LAMA5: variants seen among roughly 807,000 people sequenced by gnomAD.
The protein encoded by LAMA5 is laminin subunit alpha-5.
Under a neutral mutation model 433.4 loss-of-function variants are expected in LAMA5, and 260 were observed. That is an observed-to-expected ratio of 0.60 (90% CI 0.54 to 0.66). LAMA5 has a LOEUF of 0.66. LAMA5 is among the 30% of genes least tolerant of loss of function. The pLI is 0.00. For missense variants in LAMA5, 5,378 were observed against 5,258.5 expected (o/e 1.02, Z -0.70); for synonymous variants, 2,620 against 2,226.6 (o/e 1.18, Z -4.97).
At chr20:62,313,845 G>A in intron 62 of LAMA5, 43 bp from the exon 63 acceptor site, 2 of 1,586,210 alleles carry the variant, frequency 1.3e-6, no homozygotes, top group South Asian at 2.2e-5. Context: ...ACGGAGAGAT[G>A]AGGGGTGGCG....
chr20:62,320,962 G>A (rs1198633838), intron 48 of LAMA5, 72 bp from the exon 49 acceptor site: 11 of 1,506,066 alleles, frequency 7.3e-6, no homozygotes, highest in East Asian at 4.6e-5. Flanking sequence ...CTGGGGCCCT[G>A]GGGTCATTAG....
intron 30 of LAMA5, 37 bp downstream of exon 30, chr20:62,330,706 C>T (rs1216420822): frequency 2.6e-6 from 4 of 1,555,580 alleles, no homozygotes; most frequent in Non-Finnish European, 3.5e-6. Context: ...GAGTCCTGCC[C>T]TGACACCCCC....
intron 11 of LAMA5, among the ~76,000 whole-genome samples, chr20:62,340,028 A>G (rs1982334382): frequency 6.6e-6 from 1 of 151,970 alleles, no homozygotes; most frequent in South Asian, 2.1e-4. Context: ...ACGCAAACAC[A>G]GAGGAGTGAG....
intron 61 of LAMA5, 54 bp from the exon 62 acceptor site, chr20:62,314,494 G>A: frequency 2.5e-6 from 4 of 1,609,910 alleles, no homozygotes; most frequent in South Asian, 1.1e-5. Context: ...CAGGGACCAG[G>A]CACCGCTCAT....
At position 62,347,503 on chromosome 20, in the gene LAMA5, AC is replaced by A. The variant is rs1983575986; in HGVS notation, c.957-476del. Among the ~76,000 whole-genome samples the A allele has an allele frequency of 2.0e-5, 3 of 151,914 alleles. No individual in the cohort carries two copies. In the East Asian group the frequency reaches 5.8e-4, roughly 29 times the overall value. On this transcript the variant is annotated intron_variant, in intron 6 of 79. Coordinates refer to ENST00000252999, the MANE Select transcript of LAMA5 (RefSeq NM_005560.6). Reference sequence around the variant, plus strand: ...CCAGAAGGGAAAGGGGTCCATTTGCACCCCCCAAGGCTCAGATTTCGCTTAG... The same window carrying A: ...CCAGAAGGGAAAGGGGTCCATTTGCACCCCCAAGGCTCAGATTTCGCTTAG...
chr20:62,330,690 G>C lies in LAMA5; in HGVS notation c.3852+53C>G, dbSNP rs878868233. ...CCCTGGACAACCTGCCCTGGGTTGG[G>C]ACCCGGAGTCCTGCCCTGACACCCC... On this transcript the variant is annotated intron_variant, in intron 30 of 79. Coordinates refer to ENST00000252999, the MANE Select transcript of LAMA5 (RefSeq NM_005560.6). The C allele has an allele frequency of 2.6e-6, 4 of 1,557,582 alleles. No individual in the cohort carries two copies. In the South Asian group the frequency reaches 4.7e-5, roughly 18 times the overall value.
rs756615964 is a variant in LAMA5, at chr20:62,312,263, C to T, written c.9414G>A (p.Ser3138=). 14 of 1,610,960 alleles carry T rather than the reference C, an allele frequency of 8.7e-6. No individual in the cohort carries two copies. The Admixed American group carries it at 1.0e-4, about 12-fold the overall frequency. ...HGHGFLRLAL[S]NVAPLTGNVY... ...CGTTGCCAGTGAGCGGTGCCACGTT[C>T]GAGAGCGCCAGGCGAAGGAAGCCGT... The change falls in exon 69 of 80, where the codon TCG becomes TCA. Residue 3138 remains serine (S), a synonymous_variant. Transcript: ENST00000252999.
intron 3 of LAMA5, 68 bp from the exon 4 acceptor site, chr20:62,352,428 G>C: frequency 1.7e-6 from 2 of 1,174,592 alleles, no homozygotes; most frequent in Non-Finnish European, 2.5e-6. Flanking sequence ...CGGTGCCCGG[G>C]CCCCTTGACG....
chr20:62,329,958 C>A (rs200011971), intron 31 of LAMA5, 42 bp from the exon 32 acceptor site: 41 of 1,597,312 alleles, frequency 2.6e-5, no homozygotes, highest in East Asian at 1.3e-4. Flanking sequence ...CCATCTCTAG[C>A]GCCCCCAAGA....
chr20:62,351,653 GAGCTGGGGGGGGCCTC>G, intron 6 of LAMA5, 35 bp downstream of exon 6: 3 of 1,562,806 alleles, frequency 1.9e-6, no homozygotes, highest in Non-Finnish European at 1.7e-6. Context: ...GACAGGCAGG[GAGCTGGGGGGGGCCTC>G]ACCTGAACGG....
At chr20:62,319,650 TCTGAGCC>T in intron 51 of LAMA5, 27 bp downstream of exon 51, 3 of 1,477,214 alleles carry the variant, frequency 2.0e-6, no homozygotes, top group Non-Finnish European at 2.7e-6. Flanking sequence ...CCCTCCTGGC[TCTGAGCC>T]CTGAGCCTGG....
In LAMA5 at chr20:62,318,734, C is replaced by T. The variant is rs1987327210; in HGVS notation, c.7043-84G>A. On this transcript the variant is annotated intron_variant, in intron 52 of 79. Coordinates refer to ENST00000252999, the MANE Select transcript of LAMA5 (RefSeq NM_005560.6). Reference sequence around the variant, plus strand: ...GGTCTCCACTTGGTGCCCGCCAGATCCATCTGCCCCGTGATGCCCACCTGA... The same window carrying T: ...GGTCTCCACTTGGTGCCCGCCAGATTCATCTGCCCCGTGATGCCCACCTGA... 22 of 1,569,902 alleles carry T rather than the reference C, an allele frequency of 1.4e-5. No individual in the cohort carries two copies. The South Asian group carries it at 2.5e-4, about 18-fold the overall frequency.
At chr20:62,344,300 T>A (rs1028376117) in intron 11 of LAMA5, among the ~76,000 whole-genome samples, 1 of 151,770 alleles carries the variant, frequency 6.6e-6, no homozygotes, top group South Asian at 2.1e-4. Flanking sequence ...CGCATCCCAA[T>A]TCCAGAAACA....
At chr20:62,340,177 T>C (rs544966252) in intron 11 of LAMA5, among the ~76,000 whole-genome samples, 1 of 152,066 alleles carries the variant, frequency 6.6e-6, no homozygotes, top group East Asian at 1.9e-4. Context: ...AAGGAGAATT[T>C]GGCAAACCAG....
In LAMA5 at chr20:62,312,635, G is replaced by T; in HGVS notation, c.9224C>A (p.Pro3075Gln). 1 of 1,604,790 alleles carries T rather than the reference G, an allele frequency of 6.2e-7. No individual in the cohort carries two copies. Among genetic ancestry groups the T allele is most frequent in the East Asian group, 2.3e-5 (1 of 44,382 alleles). Residue 3075 changes from proline (P) to glutamine (Q), a missense_variant, in exon 67 of 80, where the codon CCG (proline) becomes CAG (glutamine). Coordinates refer to ENST00000252999, the MANE Select transcript of LAMA5 (RefSeq NM_005560.6). ...CCCAGCTGCGCACAGTGCTTACCTCGGGGGCAGCTGGTCGGGCGGCACGCC... is the reference window on the plus strand; with the variant it reads ...CCCAGCTGCGCACAGTGCTTACCTCTGGGGCAGCTGGTCGGGCGGCACGCC... ...LGGVPPDQLP[P>Q]SLRRLFPTGG...
In LAMA5 at chr20:62,322,408, C is replaced by A. The variant is rs374550353; in HGVS notation, c.6207G>T (p.Pro2069=). 1.9e-6 allele frequency: 3 copies of A among 1,592,890 alleles called. No individual in the cohort carries two copies. The highest frequency in any genetic ancestry group is 2.7e-5 in the African/African-American group (2 of 74,514). The part of the protein sequence containing the change: ...FGFDGCGGCR[P]CACGPAAEGS... Reference sequence around the variant, plus strand: ...CCTCGGCGGCCGGTCCACAAGCACACGGGCGGCAGCCCCCGCAGCCATCGA... The same window carrying A: ...CCTCGGCGGCCGGTCCACAAGCACAAGGGCGGCAGCCCCCGCAGCCATCGA... The change falls in exon 47 of 80, where the codon CCG becomes CCT. Residue 2069 remains proline (P), a synonymous_variant. Coordinates refer to ENST00000252999, the MANE Select transcript of LAMA5 (RefSeq NM_005560.6).
chr20:62,337,564 G>C, intron 16 of LAMA5, 26 bp downstream of exon 16: 1 of 1,578,936 alleles, frequency 6.3e-7, no homozygotes, highest in Non-Finnish European at 8.6e-7. Context: ...CCGGCACCTG[G>C]TGCACACAGC....
intron 28 of LAMA5, among the ~76,000 whole-genome samples, 164 bp from the exon 29 acceptor site, chr20:62,331,293 G>A (rs1262529466): frequency 3.1e-5 from 2 of 65,568 alleles, no homozygotes; most frequent in Non-Finnish European, 2.9e-5. Flanking sequence ...ACGATGGGGG[G>A]GTGTAGGCGG....
chr20:62,353,159 G>A lies in LAMA5; in HGVS notation c.543C>T (p.Thr181=). 1 of 1,577,658 alleles carries A rather than the reference G, an allele frequency of 6.3e-7. No individual in the cohort carries two copies. The highest frequency in any genetic ancestry group is 1.2e-5 in the South Asian group (1 of 86,168). ...AGGCAAAGAACTGCCAGGGCTGGTA[G>A]GTGCGGCCGAAGTCCATGGACCGCT... is the stretch of plus-strand genomic sequence containing the variant. ...VLERSMDFGR[T]YQPWQFFASS... Residue 181 remains threonine, a synonymous_variant, in exon 3 of 80, where the codon ACC becomes ACT. Coordinates refer to ENST00000252999, the MANE Select transcript of LAMA5 (RefSeq NM_005560.6).
Sources: gnomAD v4.1 joint callset for allele counts (sites outside exome capture counted in the v4.1 genomes callset) on GRCh38, gnomAD v4.1.1 for gene constraint, MANE v1.5 for transcripts, NCBI Gene and HGNC (gene_info 2026-07-23, HGNC 2026-07-21) for gene names.